NRG1: variants seen among roughly 807,000 people sequenced by gnomAD.
NRG1 encodes the protein neuregulin 1.
NRG1 carries 18 observed loss-of-function variants against 63.8 expected under a neutral mutation model. The observed-to-expected ratio is 0.28, with a 90% CI of 0.19 to 0.42. The LOEUF (loss-of-function observed/expected upper bound fraction) is 0.42. Ranked by LOEUF, NRG1 falls within the 10% of genes least tolerant of loss-of-function variation. The pLI is 1.00. For synonymous variants in NRG1, 302 were observed against 301.3 expected (o/e 1.00, Z -0.02); for missense variants, 762 against 814.7 (o/e 0.94, Z 0.79).
chr8:32,278,252 G>A (rs1014872531), intron 1 of NRG1, among the ~76,000 whole-genome samples: 1 of 152,114 alleles, frequency 6.6e-6, no homozygotes, highest in African/African-American at 2.4e-5. Flanking sequence ...TCAGAAATGA[G>A]AAACTGACTG....
chr8:32,501,929 C>A (rs1438551185), intron 1 of NRG1, among the ~76,000 whole-genome samples: 2 of 152,090 alleles, frequency 1.3e-5, no homozygotes, highest in African/African-American at 4.8e-5. Context: ...GAGTTCAAGA[C>A]CAGCCTAGGC....
rs199700135 is a variant in NRG1, at chr8:32,507,692, C to T, written c.38-88136C>T. Reference sequence around the variant, plus strand: ...AGTAACTTGGTAGTACTTATTAATCCTTTGCAAATCTTTGCCCAAATGAGT... The same window carrying T: ...AGTAACTTGGTAGTACTTATTAATCTTTTGCAAATCTTTGCCCAAATGAGT... On this transcript the variant is annotated intron_variant, in intron 1 of 10. Transcript: ENST00000519301. Among the ~76,000 whole-genome samples the T allele has an allele frequency of 4.6e-5, 7 of 152,204 alleles. No homozygotes were observed. The East Asian group carries it at 1.4e-3, about 29-fold the overall frequency.
intron 1 of NRG1, among the ~76,000 whole-genome samples, chr8:31,828,049 G>A (rs908212682): frequency 2.6e-5 from 4 of 152,214 alleles, no homozygotes; most frequent in East Asian, 1.9e-4. Context: ...TTGAGCCTGC[G>A]AAGGTGCTTC....
At chr8:31,790,093 T>C (rs1045214534) in intron 1 of NRG1, among the ~76,000 whole-genome samples, 2 of 152,208 alleles carry the variant, frequency 1.3e-5, no homozygotes, top group African/African-American at 4.8e-5. Flanking sequence ...TTCAGCATAG[T>C]TATGATGTGG....
At chr8:32,470,881 T>C (rs10081403) in intron 1 of NRG1, among the ~76,000 whole-genome samples, 94,080 of 151,486 alleles carry the variant, frequency 0.62, 29,434 homozygotes, top group East Asian at 0.8. Context: ...CACTGCAGCC[T>C]CAAATTCCTG....
chr8:32,379,557 T>C (rs1422216774), intron 1 of NRG1, among the ~76,000 whole-genome samples: 3 of 152,216 alleles, frequency 2.0e-5, no homozygotes, highest in African/African-American at 7.2e-5. Context: ...TGCATATGAT[T>C]GATATAACAA....
chr8:32,632,293 C>T (rs574263206), intron 5 of NRG1, among the ~76,000 whole-genome samples: 2 of 152,260 alleles, frequency 1.3e-5, no homozygotes, highest in African/African-American at 4.8e-5. Flanking sequence ...TGGCTCACAC[C>T]TGTAATCCCA....
chr8:32,256,270 T>C (rs934261007), intron 1 of NRG1, among the ~76,000 whole-genome samples: 4 of 152,222 alleles, frequency 2.6e-5, no homozygotes, highest in South Asian at 2.1e-4. Context: ...AGAGGTGTTC[T>C]GGTTTTTGGA....
At chr8:31,855,652 C>A (rs926484447) in intron 1 of NRG1, among the ~76,000 whole-genome samples, 14 of 152,070 alleles carry the variant, frequency 9.2e-5, no homozygotes, top group South Asian at 4.1e-4. Context: ...TGATCCTGTC[C>A]TTATGATGTT....
In NRG1 at chr8:32,760,296, G is replaced by T. The variant is rs78015342; in HGVS notation, c.1149G>T (p.Gly383=). ...ACAGTAGGCACAGCAGCCCAACTGG[G>T]GGCCCAAGAGGACGTCTTAATGGCA... is the stretch of plus-strand genomic sequence containing the variant. Residue 383 remains glycine, a synonymous_variant, in exon 11 of 12, where the codon GGG becomes GGT. Transcript: ENST00000356819. The T allele has an allele frequency of 5.0e-5, 80 of 1,614,096 alleles. No individual in the cohort carries two copies. The highest frequency in any genetic ancestry group is 1.2e-4 in the Admixed American group (7 of 60,022).
intron 1 of NRG1, among the ~76,000 whole-genome samples, chr8:32,266,360 T>C (rs760257338): frequency 6.6e-6 from 1 of 152,218 alleles, no homozygotes; most frequent in Admixed American, 6.5e-5. Flanking sequence ...TTTTCAATAA[T>C]CCTTTATTTA....
chr8:32,318,101 G>T (rs1392188933), intron 1 of NRG1, among the ~76,000 whole-genome samples: 1 of 152,130 alleles, frequency 6.6e-6, no homozygotes, highest in African/African-American at 2.4e-5. Context: ...ACAAGGTTTG[G>T]TATTTTGAAG....
At chr8:31,971,675 C>T (rs1476247016) in intron 1 of NRG1, among the ~76,000 whole-genome samples, 3 of 151,728 alleles carry the variant, frequency 2.0e-5, no homozygotes, top group Admixed American at 6.6e-5. Flanking sequence ...TTTTTATGTA[C>T]CACTAAGAAA....
At chr8:31,720,300 T>C (rs1223778005) in intron 1 of NRG1, among the ~76,000 whole-genome samples, 1 of 152,164 alleles carries the variant, frequency 6.6e-6, no homozygotes, top group Non-Finnish European at 1.5e-5. Flanking sequence ...ATGTGTATGA[T>C]TAATTGACAT....
intron 1 of NRG1, among the ~76,000 whole-genome samples, chr8:32,232,265 A>G (rs1201590501): frequency 6.6e-6 from 1 of 152,182 alleles, no homozygotes. Context: ...TATGCCAAAG[A>G]AAAGGTAGTT....
intron 1 of NRG1, among the ~76,000 whole-genome samples, chr8:31,939,521 T>G (rs1330159620): frequency 6.6e-6 from 1 of 151,684 alleles, no homozygotes; most frequent in African/African-American, 2.4e-5. Flanking sequence ...AAAACCCAAC[T>G]TATTCAGGCA....
chr8:32,293,107 T>TATAAAATAAA lies in NRG1; in HGVS notation c.38-302705_38-302696dup, dbSNP rs74809250. Among the ~76,000 whole-genome samples, 173 of 150,694 alleles carry TATAAAATAAA rather than the reference T, an allele frequency of 1.1e-3. 1 individual carries two copies. The East Asian group carries it at 0.017, about 15-fold the overall frequency. On this transcript the variant is annotated intron_variant, in intron 1 of 10. Transcript: ENST00000519301. ...CAACAGAGTGAGACTACGTCTAAAATATAAAATAAAATAAAATAAAATAAA... is the reference window on the plus strand; with the variant it reads ...CAACAGAGTGAGACTACGTCTAAAATATAAAATAAAATAAAATAAAATAAAATAAAATAAA...
At chr8:32,209,717 CCTTCCTTCCTTCCTT>C (rs1844469405) in intron 1 of NRG1, among the ~76,000 whole-genome samples, 2 of 12,934 alleles carry the variant, frequency 1.5e-4, no homozygotes, top group South Asian at 5.3e-3. Context: ...TCTTTCCCTT[CCTTCCTTCCTTCCTT>C]CCTTCCTTCC....
At chr8:32,628,626 G>A (rs1291299623) in intron 5 of NRG1, among the ~76,000 whole-genome samples, 3 of 151,866 alleles carry the variant, frequency 2.0e-5, no homozygotes, top group African/African-American at 7.3e-5. Flanking sequence ...CTGTAAAGAG[G>A]ACTGATATTT....
Sources: gnomAD v4.1 joint callset for allele counts (sites outside exome capture counted in the v4.1 genomes callset) on GRCh38, gnomAD v4.1.1 for gene constraint, MANE v1.5 for transcripts, NCBI Gene and HGNC (gene_info 2026-07-23, HGNC 2026-07-21) for gene names.